The following OVOL2 variants were observed in gnomAD, a reference collection of about 807,000 sequenced individuals.
OVOL2 encodes ovo like zinc finger 2, also known as transcription factor Ovo-like 2.
OVOL2 carries 13 observed loss-of-function variants against 18.1 expected under a neutral mutation model. The observed-to-expected ratio is 0.72, with a 90% CI of 0.47 to 1.14. The LOEUF (loss-of-function observed/expected upper bound fraction) is 1.14. Among genes scored for constraint, OVOL2 ranks in the 50% most tolerant of loss-of-function variants. OVOL2 has a pLI of 0.00. For missense variants in OVOL2, 335 were observed against 383.0 expected, an observed-to-expected ratio of 0.87 and a Z score of 1.05; for synonymous variants, 166 against 162.7, an observed-to-expected ratio of 1.02 and a Z score of -0.16.
intron 2 of OVOL2, among the ~76,000 whole-genome samples, chr20:18,042,422 C>T (rs772618057): frequency 9.2e-5 from 14 of 151,960 alleles, no homozygotes; most frequent in South Asian, 2.1e-4. Flanking sequence ...GGCCTGGTGC[C>T]GTCCCCGTAG....
At chr20:18,041,755 G>C (rs6111804) in intron 2 of OVOL2, 32 bp from the exon 3 acceptor site, 2 of 1,589,824 alleles carry the variant, frequency 1.3e-6, no homozygotes, top group African/African-American at 2.7e-5. Context: ...GAGGGTCCCC[G>C]GGCAGGCAGG....
At chr20:18,049,306 C>T (rs1019679787) in intron 2 of OVOL2, among the ~76,000 whole-genome samples, 16 of 152,104 alleles carry the variant, frequency 1.1e-4, no homozygotes, top group Admixed American at 6.5e-4. Flanking sequence ...GCTTCAAAGC[C>T]GGCTCAGATC....
Position 18,057,713 on chromosome 20 carries a change from C to A in OVOL2, c.-79G>T. 6.8e-7 allele frequency: 1 copy of A among 1,464,182 alleles called. No homozygotes were observed. The highest frequency in any genetic ancestry group is 9.0e-7 in the Non-Finnish European group (1 of 1,110,242). The allele number at this position is 1,464,182 out of a possible 1,614,324, so 90.7% of individuals were successfully genotyped here. On this transcript the variant is annotated 5_prime_UTR_variant, in exon 1 of 4. Coordinates refer to ENST00000278780, the MANE Select transcript of OVOL2 (RefSeq NM_021220.4). The surrounding 1 kb of genome is among the most constrained non-coding windows in gnomAD (Gnocchi z 6.3). ...GGGGCAACGGCGGCGGCTCCGTCCC[C>A]GGCTCCCGGCGGCCAGAGCCCACCT...
intron 2 of OVOL2, among the ~76,000 whole-genome samples, chr20:18,051,786 GCAGT>G (rs1568639853): frequency 2.0e-5 from 3 of 152,210 alleles, no homozygotes; most frequent in Non-Finnish European, 4.4e-5. Context: ...AGGCTGGAGT[GCAGT>G]GGTGCAATCT....
rs1417322006 is a variant in OVOL2, at chr20:18,056,999, G to A, written c.101-122C>T. 13 of 1,165,770 alleles carry A rather than the reference G, an allele frequency of 1.1e-5. No individual in the cohort carries two copies. Among genetic ancestry groups the A allele is most frequent in the Non-Finnish European group, 1.4e-5 (12 of 888,098 alleles). The allele number at this position is 1,165,770 out of a possible 1,614,324, so 72.2% of individuals were successfully genotyped here. A position where few individuals can be genotyped will look rare whatever the true frequency, so the allele number is the denominator to read the frequency against. Reference sequence around the variant, plus strand: ...CCCGGACCTGGGCACCTCGCCAAGTGGGCAACGTCGCGGGGGAGGCCAGTA... The same window carrying A: ...CCCGGACCTGGGCACCTCGCCAAGTAGGCAACGTCGCGGGGGAGGCCAGTA... On this transcript the variant is annotated intron_variant, in intron 1 of 3. Coordinates refer to ENST00000278780, the MANE Select transcript of OVOL2 (RefSeq NM_021220.4). The surrounding 1 kb of genome is among the most constrained non-coding windows in gnomAD (Gnocchi z 4.2).
In OVOL2 at chr20:18,028,907, A is replaced by C. The variant is rs542500377; in HGVS notation, c.512-3955T>G. Among the ~76,000 whole-genome samples the C allele has an allele frequency of 3.3e-4, 50 of 152,026 alleles. No individual in the cohort carries two copies. The South Asian group carries it at 0.01, about 31-fold the overall frequency. On this transcript the variant is annotated intron_variant, in intron 3 of 3. Coordinates refer to ENST00000278780, the MANE Select transcript of OVOL2 (RefSeq NM_021220.4). ...TTATGGTGAAAAACAGCAGTAAATT[A>C]AAAAAAATAAAACAGAAAAGATCCC...
At chr20:18,027,948 C>T (rs984775248) in intron 3 of OVOL2, among the ~76,000 whole-genome samples, 5 of 151,952 alleles carry the variant, frequency 3.3e-5, no homozygotes, top group South Asian at 2.1e-4. Flanking sequence ...AGGAGACACA[C>T]GTCACAAAAG....
At chr20:18,042,423 G>A (rs1034596226) in intron 2 of OVOL2, among the ~76,000 whole-genome samples, 3 of 152,020 alleles carry the variant, frequency 2.0e-5, no homozygotes, top group Non-Finnish European at 2.9e-5. Flanking sequence ...GCCTGGTGCC[G>A]TCCCCGTAGT....
chr20:18,036,388 C>G (rs1383442445), intron 3 of OVOL2, among the ~76,000 whole-genome samples: 1 of 152,156 alleles, frequency 6.6e-6, no homozygotes, highest in Non-Finnish European at 1.5e-5. Flanking sequence ...TACAACACAT[C>G]TCAATCTGGA....
intron 2 of OVOL2, among the ~76,000 whole-genome samples, chr20:18,050,441 G>T (rs1175771349): frequency 6.6e-6 from 1 of 152,222 alleles, no homozygotes; most frequent in Non-Finnish European, 1.5e-5. Flanking sequence ...ATTCCTGGGA[G>T]CTCAGCTTGG....
rs568849086 is a variant in OVOL2, at chr20:18,056,890, G to A, written c.101-13C>T. ...CGGCCTAGGCCCACTGTGGAGGGAG[G>A]GGCCGCGCCCCGACACACACACTCG... is the stretch of plus-strand genomic sequence containing the variant. On this transcript the variant is annotated splice_polypyrimidine_tract_variant and intron_variant, in intron 1 of 3. Coordinates refer to ENST00000278780, the MANE Select transcript of OVOL2 (RefSeq NM_021220.4). This position sits in a 1 kb window ranked among gnomAD's most constrained non-coding sequence, Gnocchi z 4.2. The A allele has an allele frequency of 2.0e-6, 3 of 1,479,040 alleles. No homozygotes were observed. The highest frequency in any genetic ancestry group is 2.4e-4 in the Middle Eastern group (1 of 4,206). The allele number at this position is 1,479,040 out of a possible 1,614,324, so 91.6% of individuals were successfully genotyped here.
chr20:18,027,740 C>T (rs980182662), intron 3 of OVOL2, among the ~76,000 whole-genome samples: 9 of 151,206 alleles, frequency 6.0e-5, no homozygotes, highest in African/African-American at 1.9e-4. Context: ...GGACTACAGG[C>T]GCTCACCACC....
intron 3 of OVOL2, among the ~76,000 whole-genome samples, chr20:18,036,876 C>T (rs1305348422): frequency 6.6e-6 from 1 of 152,158 alleles, no homozygotes; most frequent in Non-Finnish European, 1.5e-5. Context: ...GTGGCTCACG[C>T]CTGTAATCCC....
chr20:18,031,919 C>G (rs1490239674), intron 3 of OVOL2, among the ~76,000 whole-genome samples: 14 of 152,226 alleles, frequency 9.2e-5, no homozygotes, highest in Non-Finnish European at 8.8e-5. Flanking sequence ...TTGGAACTTT[C>G]TAGTTGCTTT....
chr20:18,035,203 C>T (rs531767513), intron 3 of OVOL2, among the ~76,000 whole-genome samples: 1 of 152,328 alleles, frequency 6.6e-6, no homozygotes, highest in East Asian at 1.9e-4. Flanking sequence ...GTAATCCTGG[C>T]ACTTTGGAAG....
In OVOL2 at chr20:18,041,489, G is replaced by A. The variant is rs148957307; in HGVS notation, c.511+45C>T. On this transcript the variant is annotated intron_variant, in intron 3 of 3. Transcript: ENST00000278780. ...GGTGGGAAAGAAACAGGAGCTCTTG[G>A]CCAGAATAACAAAACAGAGAACAAA... 773 of 1,575,276 alleles carry A rather than the reference G, an allele frequency of 4.9e-4. 3 individuals carry two copies. In the African/African-American group the frequency reaches 9.2e-3, roughly 19 times the overall value.
chr20:18,047,278 C>A (rs1283513352), intron 2 of OVOL2, among the ~76,000 whole-genome samples: 1 of 152,054 alleles, frequency 6.6e-6, no homozygotes, highest in African/African-American at 2.4e-5. Context: ...TTCAGGAGGC[C>A]GAGGTGGGTG....
chr20:18,027,204 A>G (rs1600432177), intron 3 of OVOL2, among the ~76,000 whole-genome samples: 1 of 152,204 alleles, frequency 6.6e-6, no homozygotes, highest in South Asian at 2.1e-4. Context: ...CCCGTAGGCC[A>G]TATCAGCAAG....
intron 3 of OVOL2, among the ~76,000 whole-genome samples, chr20:18,031,492 G>T (rs575496632): frequency 1.3e-5 from 2 of 152,128 alleles, no homozygotes; most frequent in African/African-American, 4.8e-5. Context: ...CAGGAGAATC[G>T]CTGGAATCTG....
Sources: gnomAD v4.1 joint callset for allele counts (sites outside exome capture counted in the v4.1 genomes callset) on GRCh38, gnomAD v4.1.1 for gene constraint, Gnocchi (gnomAD v3.1) non-coding constraint, MANE v1.5 for transcripts, NCBI Gene and HGNC (gene_info 2026-07-23, HGNC 2026-07-21) for gene names.